The following RAB4A variants were observed in gnomAD, a reference collection of about 807,000 sequenced individuals.
The protein encoded by RAB4A is RAB4A, member RAS oncogene family.
Under a neutral mutation model 34.5 loss-of-function variants are expected in RAB4A, and 20 were observed. The observed-to-expected ratio is 0.58, with a 90% CI of 0.41 to 0.84. The LOEUF is 0.84. Ranked by LOEUF, RAB4A falls within the 40% of genes least tolerant of loss-of-function variation. The probability of loss-of-function intolerance (pLI) is 0.00; values close to 1 mark genes in which losing one functional copy is unlikely to be tolerated. For missense variants in RAB4A, 228 were observed against 274.5 expected (o/e 0.83, Z 1.20); for synonymous variants, 102 against 100.0 (o/e 1.02, Z -0.12).
rs1365188477 is a variant in RAB4A, at chr1:229,304,830, GT to G, written c.*1039del. On this transcript the variant is annotated 3_prime_UTR_variant, in exon 8 of 8. Coordinates refer to ENST00000366690, the MANE Select transcript of RAB4A (RefSeq NM_004578.4). ...TTAAATGCCTTACTACAGTTATCCA[GT>G]TGACATGTTTTTAATTCATATAAGG... is the stretch of plus-strand genomic sequence containing the variant. 6.1e-5 allele frequency: 10 copies of G among 164,804 alleles called. No homozygotes were observed. In the East Asian group the frequency reaches 1.7e-3, roughly 29 times the overall value. 10.2% of individuals were successfully genotyped at this position (164,804 alleles called of 1,614,324 possible).
chr1:229,288,806 T>G lies in RAB4A; in HGVS notation c.190T>G (p.Leu64Val). 1 of 1,589,370 alleles carries G rather than the reference T, an allele frequency of 6.3e-7. No homozygotes were observed. The highest frequency in any genetic ancestry group is 8.6e-7 in the Non-Finnish European group (1 of 1,158,364). ...IINVGGKYVK[L>V]QIWDTAGQER... ...AAATGTTGGTGGTAAATATGTAAAG[T>G]TACAAATATGGGATACAGCAGGACA... Residue 64 changes from leucine (L) to valine (V), a missense_variant, in exon 3 of 8, where the codon TTA becomes GTA. Physicochemically the swap from Leu to Val is conservative, Grantham distance 32 (BLOSUM62 1). Coordinates refer to ENST00000366690, the MANE Select transcript of RAB4A (RefSeq NM_004578.4).
At chr1:229,272,185 G>A (rs1396635307) in intron 1 of RAB4A, among the ~76,000 whole-genome samples, 3 of 151,768 alleles carry the variant, frequency 2.0e-5, no homozygotes, top group South Asian at 2.1e-4. Flanking sequence ...TTGTATCAGA[G>A]TTGAATATTA....
At chr1:229,279,889 C>T (rs924246788) in intron 1 of RAB4A, among the ~76,000 whole-genome samples, 4 of 152,134 alleles carry the variant, frequency 2.6e-5, no homozygotes, top group Non-Finnish European at 4.4e-5. Flanking sequence ...CTCAAGTTAA[C>T]GTTCACTATA....
At position 229,304,418 on chromosome 1, in the gene RAB4A, T is replaced by G. The variant is rs1186222453; in HGVS notation, c.*625T>G. The G allele has an allele frequency of 6.6e-6, 1 of 152,206 alleles. No homozygotes were observed. The highest frequency in any genetic ancestry group is 2.4e-5 in the African/African-American group (1 of 41,442). The allele number at this position is 152,206 out of a possible 1,614,324, so 9.4% of individuals were successfully genotyped here. On this transcript the variant is annotated 3_prime_UTR_variant, in exon 8 of 8. Coordinates refer to ENST00000366690, the MANE Select transcript of RAB4A (RefSeq NM_004578.4). ...TTGAGTTTTTCCGTGAACTTTATAC[T>G]GTCCAGCTCTGTTGATTTTAAAGCC...
At chr1:229,298,824 C>T (rs1657308604) in intron 5 of RAB4A, among the ~76,000 whole-genome samples, 153 bp from the exon 6 acceptor site, 1 of 152,178 alleles carries the variant, frequency 6.6e-6, no homozygotes, top group Admixed American at 6.5e-5. Flanking sequence ...CACATAATGA[C>T]ATATATTGAT....
chr1:229,275,036 G>A (rs534193728), intron 1 of RAB4A, among the ~76,000 whole-genome samples: 1 of 152,104 alleles, frequency 6.6e-6, no homozygotes, highest in South Asian at 2.1e-4. Flanking sequence ...CCTTAAAAAT[G>A]TATCATTTTA....
chr1:229,288,905 T>G, intron 3 of RAB4A, 62 bp downstream of exon 3: 1 of 995,408 alleles, frequency 1.0e-6, no homozygotes, highest in South Asian at 1.4e-5. Context: ...TTGATGATAT[T>G]CTCTCAATAT....
intron 3 of RAB4A, chr1:229,289,060 G>A (rs565697205): frequency 4.7e-5 from 23 of 484,220 alleles, no homozygotes; most frequent in East Asian, 1.2e-4. Flanking sequence ...GAGGATCTCC[G>A]CGCAACTGCA....
chr1:229,301,686 A>AT (rs1657389705), intron 6 of RAB4A, among the ~76,000 whole-genome samples: 2 of 152,208 alleles, frequency 1.3e-5, no homozygotes, highest in African/African-American at 4.8e-5. Flanking sequence ...ATAAATTAGG[A>AT]TTCTTCAGCA....
At chr1:229,291,716 C>T (rs977856657) in intron 3 of RAB4A, among the ~76,000 whole-genome samples, 1 of 152,072 alleles carries the variant, frequency 6.6e-6, no homozygotes, top group Non-Finnish European at 1.5e-5. Flanking sequence ...GAGAACTCAC[C>T]TCGCTTGTGG....
At chr1:229,286,452 G>T in intron 1 of RAB4A, 34 bp from the exon 2 acceptor site, 1 of 1,301,662 alleles carries the variant, frequency 7.7e-7, no homozygotes, top group South Asian at 1.4e-5. Flanking sequence ...GCACTATTTT[G>T]AAGTTATTTT....
intron 1 of RAB4A, 102 bp downstream of exon 1, chr1:229,271,472 G>T: frequency 1.0e-6 from 1 of 986,500 alleles, no homozygotes; most frequent in Non-Finnish European, 1.3e-6. Flanking sequence ...TGGCGGTGGC[G>T]CCGGCCGGAG....
At chr1:229,297,884 A>G (rs1657289177) in intron 5 of RAB4A, among the ~76,000 whole-genome samples, 1 of 152,206 alleles carries the variant, frequency 6.6e-6, no homozygotes, top group Non-Finnish European at 1.5e-5. Flanking sequence ...TTTTCAGTCT[A>G]GGGTCTTTGA....
chr1:229,286,091 G>A (rs777969719), intron 1 of RAB4A, among the ~76,000 whole-genome samples: 13 of 152,190 alleles, frequency 8.5e-5, no homozygotes, highest in Non-Finnish European at 1.5e-4. Flanking sequence ...GAAAGAGGTA[G>A]ACTCTTCAAA....
chr1:229,275,031 A>G (rs913483317), intron 1 of RAB4A, among the ~76,000 whole-genome samples: 2 of 152,208 alleles, frequency 1.3e-5, no homozygotes, highest in African/African-American at 4.8e-5. Flanking sequence ...ATTTTCCTTA[A>G]AAATGTATCA....
At chr1:229,273,982 T>C (rs928245812) in intron 1 of RAB4A, among the ~76,000 whole-genome samples, 3 of 152,080 alleles carry the variant, frequency 2.0e-5, no homozygotes, top group Non-Finnish European at 2.9e-5. Context: ...TTTGCTCTTC[T>C]GTAAAAGGAG....
At chr1:229,301,081 G>A (rs926972968) in intron 6 of RAB4A, among the ~76,000 whole-genome samples, 1 of 149,630 alleles carries the variant, frequency 6.7e-6, no homozygotes, top group Non-Finnish European at 1.5e-5. Context: ...TAGAAAGTCA[G>A]TGATCATTTT....
chr1:229,295,388 G>A (rs984664043), intron 3 of RAB4A, among the ~76,000 whole-genome samples: 18 of 152,308 alleles, frequency 1.2e-4, no homozygotes, highest in African/African-American at 4.3e-4. Flanking sequence ...GATGCAGGTG[G>A]GTGTAGGGCC....
intron 1 of RAB4A, among the ~76,000 whole-genome samples, chr1:229,271,618 C>G (rs1656480959): frequency 6.6e-6 from 1 of 152,176 alleles, no homozygotes; most frequent in South Asian, 2.1e-4. Context: ...TCCGCCTTTT[C>G]AAGTTTCCTC....
Sources: gnomAD v4.1 joint callset for allele counts (sites outside exome capture counted in the v4.1 genomes callset) on GRCh38, gnomAD v4.1.1 for gene constraint, MANE v1.5 for transcripts, NCBI Gene and HGNC (gene_info 2026-07-23, HGNC 2026-07-21) for gene names.